FBRS: variants seen among roughly 807,000 people sequenced by gnomAD.
FBRS encodes the protein fibrosin.
In FBRS, 15 loss-of-function variants were observed where a neutral mutation model predicts 86.1. That is an observed-to-expected ratio of 0.17 (90% CI 0.12 to 0.27). The LOEUF is 0.27. FBRS is among the 10% of genes least tolerant of loss of function. The pLI is 1.00. For missense variants in FBRS, 1,367 were observed against 1,301.6 expected (o/e 1.05, Z -0.77); for synonymous variants, 666 against 575.8 (o/e 1.16, Z -2.24).
Position 30,668,635 on chromosome 16 carries a change from C to T in FBRS, c.2150C>T (p.Pro717Leu). 1.2e-6 allele frequency: 2 copies of T among 1,608,780 alleles called. No homozygotes were observed. The highest frequency in any genetic ancestry group is 1.7e-6 in the Non-Finnish European group (2 of 1,176,064). Residue 717 changes from proline (P) to leucine (L), a missense_variant, in exon 16 of 18, where the codon CCC becomes CTC. This residue lies in a region of FBRS where 659 missense variants were observed against 678.8 expected (regional missense o/e 0.97). Transcript: ENST00000356166. ...GGGGCCTTTGGAGGCCTGGGCAGCC[C>T]CACATTCAGTGAGTGCGGGTGCGGT... Reference protein sequence around the residue: ...SNGAFGGLGSPTFNSGAVFAQ... With the variant: ...SNGAFGGLGSLTFNSGAVFAQ...
rs756509028 is a variant in FBRS, at chr16:30,664,317, C to T, written c.1158C>T (p.Ser386=). ...CCTCCTCATCTGCCTCCTCCTCGTCCGCGCAGCTCACCCACCGGCCCCCGA... is the reference window on the plus strand; with the variant it reads ...CCTCCTCATCTGCCTCCTCCTCGTCTGCGCAGCTCACCCACCGGCCCCCGA... ...SSSSSSASSS[S]AQLTHRPPTP... Residue 386 remains serine, a synonymous_variant, in exon 7 of 18, where the codon TCC becomes TCT. Coordinates refer to ENST00000356166, the MANE Select transcript of FBRS (RefSeq NM_001105079.3). The T allele has an allele frequency of 1.3e-5, 20 of 1,543,542 alleles. No individual in the cohort carries two copies. The highest frequency in any genetic ancestry group is 3.9e-5 in the Admixed American group (2 of 50,728).
Position 30,669,879 on chromosome 16 carries a change from T to G in FBRS, c.*234T>G, listed in dbSNP as rs2052575810. 1.6e-6 allele frequency: 1 copy of G among 628,292 alleles called. No individual in the cohort carries two copies. Among genetic ancestry groups the G allele is most frequent in the African/African-American group, 1.9e-5 (1 of 54,040 alleles). The allele number at this position is 628,292 out of a possible 1,614,324, so 38.9% of individuals were successfully genotyped here. On this transcript the variant is annotated 3_prime_UTR_variant, in exon 18 of 18. Transcript: ENST00000356166. This position sits in a 1 kb window ranked among gnomAD's most constrained non-coding sequence, Gnocchi z 5.9. ...CCTCTAGAGAAGGGAGAGGGGCGTG[T>G]GCATGGGAGTGTGGCTCATCTCGGG... is the stretch of plus-strand genomic sequence containing the variant.
intron 15 of FBRS, 148 bp downstream of exon 15, chr16:30,667,770 C>T (rs1255624431): frequency 4.6e-5 from 29 of 629,874 alleles, no homozygotes; most frequent in Non-Finnish European, 6.6e-5. Flanking sequence ...CCCCTCTGAG[C>T]CTTGATTTCC....
rs1012770697 is a variant in FBRS at position 30,659,399 on chromosome 16, G to A, written c.-120G>A. The A allele has an allele frequency of 2.0e-5, 4 of 200,200 alleles. No individual in the cohort carries two copies. Among genetic ancestry groups the A allele is most frequent in the Admixed American group, 1.2e-4 (2 of 16,770 alleles). 12.4% of individuals were successfully genotyped at this position (200,200 alleles called of 1,614,324 possible). A position where few individuals can be genotyped will look rare whatever the true frequency, so the allele number is the denominator to read the frequency against. ...CGGGGCCAGCAGATCCGGCTTTAAA[G>A]GAGAAGCCGTGGCCCTCTCGTCACT... On this transcript the variant is annotated 5_prime_UTR_variant, in exon 1 of 18. Coordinates refer to ENST00000356166, the MANE Select transcript of FBRS (RefSeq NM_001105079.3).
rs765347895 is a variant in FBRS, at chr16:30,667,343, T to G, written c.1899T>G (p.Phe633Leu). 11 of 1,553,870 alleles carry G rather than the reference T, an allele frequency of 7.1e-6. No homozygotes were observed. The highest frequency in any genetic ancestry group is 9.6e-6 in the Non-Finnish European group (11 of 1,148,240). The change falls in exon 14 of 18, where the codon TTT becomes TTG. Residue 633 changes from phenylalanine to leucine, a missense_variant. Transcript: ENST00000356166. ...AGGGTGACTCCCACAAGCTTGACTT[T>G]CGGAATGACCTCCTGCCCTGCCTTC... Reference protein sequence around the residue: ...KMKGDSHKLDFRNDLLPCLPG... With the variant: ...KMKGDSHKLDLRNDLLPCLPG...
chr16:30,660,138 G>GT, intron 1 of FBRS, 125 bp from the exon 2 acceptor site: 2 of 1,421,974 alleles, frequency 1.4e-6, no homozygotes, highest in Non-Finnish European at 1.8e-6. Flanking sequence ...GGTGGGAGGA[G>GT]GTAGAGCTCG....
In FBRS at chr16:30,665,238, C is replaced by T; in HGVS notation, c.1609-68C>T. On this transcript the variant is annotated intron_variant, in intron 9 of 17. Transcript: ENST00000356166. The surrounding 1 kb of genome is among the most constrained non-coding windows in gnomAD (Gnocchi z 4.1). The stretch of plus-strand genomic sequence containing the variant: ...GGGCTTTAGGGTGGAGGCCCGTGGA[C>T]TGACGGGCAGGCTGGACTTGGGCTG... 6.6e-7 allele frequency: 1 copy of T among 1,522,296 alleles called. No homozygotes were observed. 94.3% of individuals were successfully genotyped at this position (1,522,296 alleles called of 1,614,324 possible).
intron 13 of FBRS, 81 bp from the exon 14 acceptor site, chr16:30,667,239 G>A (rs2151271948): frequency 4.1e-6 from 5 of 1,224,360 alleles, no homozygotes; most frequent in East Asian, 2.6e-5. Context: ...CCAGCCTTTG[G>A]AGGGGAACCA....
In FBRS at chr16:30,668,987, T is replaced by TTCCCCCCCCCCCCCCCCCCCCCCCCCCCC; in HGVS notation, c.2366+8_2366+9insTCCCCCCCCCCCCCCCCCCCCCCCCCCCC. 6.8e-7 allele frequency: 1 copy of TTCCCCCCCCCCCCCCCCCCCCCCCCCCCC among 1,481,130 alleles called. No homozygotes were observed. The highest frequency in any genetic ancestry group is 9.2e-7 in the Non-Finnish European group (1 of 1,088,974). The allele number at this position is 1,481,130 out of a possible 1,614,324, so 91.7% of individuals were successfully genotyped here. ...CAAGGAGGAGAAGGACAGGTGTGCC[T>TTCCCCCCCCCCCCCCCCCCCCCCCCCCCC]CCCACCCACCCTGCCCCTGCCCCAC... On this transcript the variant is annotated intron_variant, in intron 17 of 17. Coordinates refer to ENST00000356166, the MANE Select transcript of FBRS (RefSeq NM_001105079.3).
rs942183558 is a variant in FBRS at position 30,665,753 on chromosome 16, G to A, written c.1773+47G>A. 23 of 1,535,774 alleles carry A rather than the reference G, an allele frequency of 1.5e-5. No individual in the cohort carries two copies. The highest frequency in any genetic ancestry group is 2.0e-5 in the Admixed American group (1 of 51,012). ...CTGGGGGAGCTGGAAGGTGTGTTGC[G>A]GGGAGAACAGAACTGACTTGAGGAG... On this transcript the variant is annotated intron_variant, in intron 11 of 17. Transcript: ENST00000356166. This position sits in a 1 kb window ranked among gnomAD's most constrained non-coding sequence, Gnocchi z 4.1.
chr16:30,664,797 G>A lies in FBRS; in HGVS notation c.1440G>A (p.Ser480=), dbSNP rs551842879. The A allele has an allele frequency of 3.8e-4, 596 of 1,554,852 alleles. No individual in the cohort carries two copies. The highest frequency in any genetic ancestry group is 5.0e-4 in the Non-Finnish European group (578 of 1,148,856). Residue 480 remains serine, a synonymous_variant, in exon 8 of 18, where the codon TCG becomes TCA. Transcript: ENST00000356166. ...GGPEVVGAGG[S]ARPLAFQFHQ... ...CTGAGGTGGTGGGGGCAGGGGGCTC[G>A]GCCCGGCCCCTGGCCTTCCAGTTCC...
chr16:30,660,462 C>G lies in FBRS; in HGVS notation c.639+20C>G. On this transcript the variant is annotated intron_variant, in intron 2 of 17. Transcript: ENST00000356166. The stretch of plus-strand genomic sequence containing the variant: ...AAAGAGGTGAGGTTGTCCCTTAAAA[C>G]TCTTTAGGCAGAATGTATTTCCCAC... The G allele has an allele frequency of 8.0e-7, 1 of 1,256,510 alleles. No individual in the cohort carries two copies. Among genetic ancestry groups the G allele is most frequent in the Non-Finnish European group, 1.0e-6 (1 of 991,856 alleles). The allele number at this position is 1,256,510 out of a possible 1,614,324, so 77.8% of individuals were successfully genotyped here. A position where few individuals can be genotyped will look rare whatever the true frequency, so the allele number is the denominator to read the frequency against.
In FBRS at chr16:30,665,157, G is replaced by T. The variant is rs2052508321; in HGVS notation, c.1608+78G>T. The T allele has an allele frequency of 6.4e-7, 1 of 1,562,714 alleles. No individual in the cohort carries two copies. On this transcript the variant is annotated intron_variant, in intron 9 of 17. Transcript: ENST00000356166. This position sits in a 1 kb window ranked among gnomAD's most constrained non-coding sequence, Gnocchi z 4.1. ...ATCCATGCTTGTGACCCTGACTGCT[G>T]GGGTCCAGTCTTCAGCACAAAAGCA...
At position 30,669,608 on chromosome 16, in the gene FBRS, C is replaced by G; in HGVS notation, c.2906C>G (p.Pro969Arg). ...GTGCCCGCCCCCCGGCCCAGTTCCC[C>G]ACCTAGGGGCCCTGGCCCAGCTCGG... ...PLVPAPRPSS[P>R]PRGPGPARAD... Residue 969 changes from proline (P) to arginine (R), a missense_variant, in exon 18 of 18, where the codon CCA (proline) becomes CGA (arginine). Pro to Arg is a moderately radical substitution (Grantham distance 103). This residue lies in a region of FBRS where 659 missense variants were observed against 678.8 expected (regional missense o/e 0.97). Coordinates refer to ENST00000356166, the MANE Select transcript of FBRS (RefSeq NM_001105079.3). The surrounding 1 kb of genome is among the most constrained non-coding windows in gnomAD (Gnocchi z 5.9). The G allele has an allele frequency of 3.7e-6, 6 of 1,608,398 alleles. No individual in the cohort carries two copies. Among genetic ancestry groups the G allele is most frequent in the Non-Finnish European group, 5.1e-6 (6 of 1,178,706 alleles).
chr16:30,670,147 C>T lies in FBRS; in HGVS notation c.*502C>T, dbSNP rs2052579391. 2.2e-6 allele frequency: 1 copy of T among 459,518 alleles called. No homozygotes were observed. 28.5% of individuals were successfully genotyped at this position (459,518 alleles called of 1,614,324 possible). ...TTTTGTACATTTTTACAGGGGTGCC[C>T]CTCCCAACAGTTCCCTTCCTGGTTA... On this transcript the variant is annotated 3_prime_UTR_variant, in exon 18 of 18. Coordinates refer to ENST00000356166, the MANE Select transcript of FBRS (RefSeq NM_001105079.3).
intron 6 of FBRS, among the ~76,000 whole-genome samples, chr16:30,663,972 C>T (rs534651537): frequency 2.0e-5 from 3 of 152,234 alleles, no homozygotes; most frequent in African/African-American, 7.2e-5. Context: ...GTCATCTGGC[C>T]AGAGATGGCA....
Position 30,665,542 on chromosome 16 carries a change from C to T in FBRS, c.1705-96C>T. The T allele has an allele frequency of 6.8e-7, 1 of 1,470,174 alleles. No homozygotes were observed. The highest frequency in any genetic ancestry group is 9.3e-7 in the Non-Finnish European group (1 of 1,072,986). The allele number at this position is 1,470,174 out of a possible 1,614,324, so 91.1% of individuals were successfully genotyped here. On this transcript the variant is annotated intron_variant, in intron 10 of 17. Coordinates refer to ENST00000356166, the MANE Select transcript of FBRS (RefSeq NM_001105079.3). The surrounding 1 kb of genome is among the most constrained non-coding windows in gnomAD (Gnocchi z 4.1). ...TGCTGCACCCAGTTTTCTCCAAAGC[C>T]ATGATCCCTCCCTGCCCAGTGTCCC...
Position 30,668,832 on chromosome 16 carries a change from C to T in FBRS, c.2219C>T (p.Pro740Leu). 1.3e-6 allele frequency: 2 copies of T among 1,596,760 alleles called. No individual in the cohort carries two copies. Among genetic ancestry groups the T allele is most frequent in the Non-Finnish European group, 1.7e-6 (2 of 1,176,694 alleles). Residue 740 changes from proline to leucine, a missense_variant, in exon 17 of 18, where the codon CCA becomes CTA. This residue lies in a region of FBRS where 659 missense variants were observed against 678.8 expected (regional missense o/e 0.97). Transcript: ENST00000356166. The stretch of plus-strand genomic sequence containing the variant: ...GGGGCCCCACCAGCCTTCGCCTCCC[C>T]ACCGGACCCATGGGGCCGCCTGCAC... ...SPGAPPAFAS[P>L]PDPWGRLHRS...
rs1434466262 is a variant in FBRS, at chr16:30,661,115, A to G, written c.640-65A>G. ...GGAGGCCCATGAGCGCCCTGCTGGGAGCTGCGACTTTCCCAGCTGCCTCAG... is the reference window on the plus strand; with the variant it reads ...GGAGGCCCATGAGCGCCCTGCTGGGGGCTGCGACTTTCCCAGCTGCCTCAG... On this transcript the variant is annotated intron_variant, in intron 2 of 17. Transcript: ENST00000356166. The G allele has an allele frequency of 3.2e-6, 5 of 1,548,472 alleles. No individual in the cohort carries two copies. The East Asian group carries it at 1.2e-4, about 38-fold the overall frequency.
Sources: allele counts gnomAD v4.1 joint callset (sites outside exome capture counted in the v4.1 genomes callset), GRCh38; gene constraint gnomAD v4.1.1; regional missense constraint gnomAD v4.1.1; non-coding constraint Gnocchi (gnomAD v3.1); transcripts MANE v1.5; gene names NCBI Gene and HGNC (gene_info 2026-07-23, HGNC 2026-07-21).